PSD3: variants seen among roughly 807,000 people sequenced by gnomAD.
PSD3 encodes PH and SEC7 domain-containing protein 3.
A neutral mutation model predicts 105.5 loss-of-function variants in PSD3; 49 were observed. That is an observed-to-expected ratio of 0.46 (90% CI 0.37 to 0.59). The LOEUF (loss-of-function observed/expected upper bound fraction) is 0.59. Among genes scored for constraint, PSD3 ranks in the 20% least tolerant of loss-of-function variants. The pLI, the probability that PSD3 is intolerant of heterozygous loss-of-function variation, is 0.00. For missense variants in PSD3, 1,561 were observed against 1,263.8 expected (o/e 1.24, Z -3.57); for synonymous variants, 557 against 457.8 (o/e 1.22, Z -2.77).
intron 15 of PSD3, among the ~76,000 whole-genome samples, chr8:18,547,342 C>T (rs552851246): frequency 1.3e-5 from 2 of 152,318 alleles, no homozygotes; most frequent in Admixed American, 6.5e-5. Context: ...GGCAGCTCCC[C>T]AAACTAGGCT....
intron 4 of PSD3, among the ~76,000 whole-genome samples, chr8:18,829,084 T>C (rs1380357703): frequency 1.3e-5 from 2 of 151,606 alleles, no homozygotes; most frequent in Non-Finnish European, 2.9e-5. Context: ...AAAAAAATAC[T>C]GAAAATTTAA....
At chr8:18,714,529 A>C (rs544360558) in intron 9 of PSD3, among the ~76,000 whole-genome samples, 1 of 152,154 alleles carries the variant, frequency 6.6e-6, no homozygotes, top group Non-Finnish European at 1.5e-5. Flanking sequence ...TATGAAAAAA[A>C]CCCTCAATAT....
At chr8:18,717,683 T>C (rs548583261) in intron 9 of PSD3, among the ~76,000 whole-genome samples, 1 of 152,338 alleles carries the variant, frequency 6.6e-6, no homozygotes, top group South Asian at 2.1e-4. Flanking sequence ...GGTCACACTA[T>C]AACCACTTGA....
intron 4 of PSD3, among the ~76,000 whole-genome samples, chr8:18,848,200 C>T (rs1025129037): frequency 5.3e-5 from 8 of 152,162 alleles, no homozygotes; most frequent in Non-Finnish European, 8.8e-5. Flanking sequence ...AGAAGGCATT[C>T]ACTGTTTAAC....
intron 9 of PSD3, among the ~76,000 whole-genome samples, chr8:18,747,639 G>C (rs1360993783): frequency 6.6e-6 from 1 of 152,180 alleles, no homozygotes; most frequent in Non-Finnish European, 1.5e-5. Context: ...CACCAGCAGA[G>C]ATTATGGCTG....
At position 19,040,352 on chromosome 8, in the gene PSD3, G is replaced by A. The variant is rs184056802; in HGVS notation, c.324+43854C>T. Reference sequence around the variant, plus strand: ...AAGCAGCTGGGGCTACCACAGGCACGCGCCACCACCCCTGGCTAATTTTTG... The same window carrying A: ...AAGCAGCTGGGGCTACCACAGGCACACGCCACCACCCCTGGCTAATTTTTG... On this transcript the variant is annotated intron_variant, in intron 1 of 1. Transcript: ENST00000521475. 3.3e-3 allele frequency among the ~76,000 whole-genome samples: 508 copies of A among 152,148 alleles called. 1 individual carries two copies. Among genetic ancestry groups the A allele is most frequent in the African/African-American group, 0.012 (486 of 41,520 alleles).
chr8:18,907,484 T>G (rs142931859), intron 2 of PSD3, among the ~76,000 whole-genome samples: 7,104 of 152,288 alleles, frequency 0.047, 203 homozygotes, highest in Admixed American at 0.08. Flanking sequence ...CTTTTATCTT[T>G]TCTATTGCAT....
Position 18,683,613 on chromosome 8 carries a change from C to T in PSD3, c.2173-27928G>A, listed in dbSNP as rs1203883381. 2.0e-5 allele frequency among the ~76,000 whole-genome samples: 3 copies of T among 152,156 alleles called. 1 individual carries two copies. Among genetic ancestry groups the T allele is most frequent in the South Asian group, 4.2e-4 (2 of 4,814 alleles). On this transcript the variant is annotated intron_variant, in intron 9 of 15. Coordinates refer to ENST00000327040, the MANE Select transcript of PSD3 (RefSeq NM_015310.4). ...GCATCTTTGTATCTGGAGTTCAGGT[C>T]CCATCCGTTTCACCTGATCGCACCT...
In PSD3 at chr8:18,527,306, T is replaced by C. The variant is rs182210872; in HGVS notation, c.*8437A>G. ...CAAATAAAAACATTCCCTCAAATGA[T>C]TGAAATTTGTTGGATTTATTTCTTT... On this transcript the variant is annotated 3_prime_UTR_variant, in exon 16 of 16. Coordinates refer to ENST00000327040, the MANE Select transcript of PSD3 (RefSeq NM_015310.4). 29 of 152,808 alleles carry C rather than the reference T, an allele frequency of 1.9e-4. No individual in the cohort carries two copies. Among genetic ancestry groups the C allele is most frequent in the Admixed American group, 1.4e-3 (22 of 15,308 alleles). The allele number at this position is 152,808 out of a possible 1,614,324, so 9.5% of individuals were successfully genotyped here.
At chr8:18,814,242 GC>G (rs1183221764) in intron 4 of PSD3, among the ~76,000 whole-genome samples, 2 of 152,130 alleles carry the variant, frequency 1.3e-5, no homozygotes, top group African/African-American at 4.8e-5. Context: ...TACAGATTCT[GC>G]CCCCAGCCCC....
intron 9 of PSD3, among the ~76,000 whole-genome samples, chr8:18,712,118 T>C (rs1035403068): frequency 6.6e-6 from 1 of 152,086 alleles, no homozygotes; most frequent in Non-Finnish European, 1.5e-5. Context: ...GGGACACAGC[T>C]AAAGCAATGT....
chr8:18,808,228 C>G (rs1267847075), intron 4 of PSD3, among the ~76,000 whole-genome samples: 1 of 152,174 alleles, frequency 6.6e-6, no homozygotes, highest in Admixed American at 6.5e-5. Flanking sequence ...GTGTGCTTTT[C>G]CTATCATGTA....
chr8:18,939,455 T>C (rs1822378010), intron 1 of PSD3, among the ~76,000 whole-genome samples: 1 of 152,134 alleles, frequency 6.6e-6, no homozygotes, highest in Non-Finnish European at 1.5e-5. Context: ...CGTCCCTAGT[T>C]TGAAATGATA....
chr8:18,881,157 T>A (rs1395280133), intron 2 of PSD3, among the ~76,000 whole-genome samples: 4 of 152,244 alleles, frequency 2.6e-5, no homozygotes, highest in East Asian at 1.9e-4. Flanking sequence ...TTTCCTGCAA[T>A]GACATATAAA....
In PSD3 at chr8:18,787,137, C is replaced by T. The variant is rs143538244; in HGVS notation, c.2082+12158G>A. Among the ~76,000 whole-genome samples the T allele has an allele frequency of 4.7e-3, 717 of 152,218 alleles. 7 individuals carry two copies. The highest frequency in any genetic ancestry group is 0.016 in the African/African-American group (668 of 41,510). On this transcript the variant is annotated intron_variant, in intron 8 of 15. Coordinates refer to ENST00000327040, the MANE Select transcript of PSD3 (RefSeq NM_015310.4). The stretch of plus-strand genomic sequence containing the variant: ...TTGTGGCTCAAGGCTTCATAAGTAT[C>T]CAAGAGAAGCTCATACACTATCACA...
At chr8:19,067,472 C>T (rs1234266855) in intron 1 of PSD3, among the ~76,000 whole-genome samples, 3 of 152,154 alleles carry the variant, frequency 2.0e-5, no homozygotes, top group East Asian at 1.9e-4. Flanking sequence ...TGGACTCTGA[C>T]CATGTGTTCT....
At chr8:18,920,895 CAGGCTAT>C (rs1820967525) in intron 2 of PSD3, among the ~76,000 whole-genome samples, 1 of 152,148 alleles carries the variant, frequency 6.6e-6, no homozygotes, top group Non-Finnish European at 1.5e-5. Flanking sequence ...GTACCTGTGT[CAGGCTAT>C]AGTATTATTT....
chr8:18,974,899 G>A (rs1824844983), intron 1 of PSD3, among the ~76,000 whole-genome samples: 1 of 151,922 alleles, frequency 6.6e-6, no homozygotes, highest in Admixed American at 6.6e-5. Context: ...TTACAAACAG[G>A]TCAAAGGGAA....
chr8:18,706,256 T>C (rs1801890006), intron 9 of PSD3, among the ~76,000 whole-genome samples: 1 of 152,172 alleles, frequency 6.6e-6, no homozygotes, highest in South Asian at 2.1e-4. Flanking sequence ...GATTTTAGGG[T>C]TCTTTGTTAC....
Sources: gnomAD v4.1 joint callset for allele counts (sites outside exome capture counted in the v4.1 genomes callset) on GRCh38, gnomAD v4.1.1 for gene constraint, MANE v1.5 for transcripts, NCBI Gene and HGNC (gene_info 2026-07-23, HGNC 2026-07-21) for gene names.